The following NR3C2 variants were observed in gnomAD, a reference collection of about 807,000 sequenced individuals.
NR3C2 encodes nuclear receptor subfamily 3 group C member 2.
In NR3C2, 15 loss-of-function variants were observed where a neutral mutation model predicts 86.4. The ratio of observed to expected loss-of-function variants is 0.17; its 90% CI spans 0.12 to 0.27. NR3C2 has a LOEUF of 0.27. Among genes scored for constraint, NR3C2 ranks in the 10% least tolerant of loss-of-function variants. The pLI, the probability that NR3C2 is intolerant of heterozygous loss-of-function variation, is 1.00. For missense variants in NR3C2, 960 were observed against 1,195.6 expected, an observed-to-expected ratio of 0.80 and a Z score of 2.91; for synonymous variants, 458 against 450.5, an observed-to-expected ratio of 1.02 and a Z score of -0.21.
chr4:148,085,797 A>G (rs1730787539), intron 8 of NR3C2, among the ~76,000 whole-genome samples: 1 of 152,226 alleles, frequency 6.6e-6, no homozygotes, highest in East Asian at 1.9e-4. Flanking sequence ...GATAAAGTAG[A>G]TGTCACCACT....
At chr4:148,404,546 CATAAGT>C (rs1310931067) in intron 2 of NR3C2, among the ~76,000 whole-genome samples, 1 of 152,016 alleles carries the variant, frequency 6.6e-6, no homozygotes, top group East Asian at 1.9e-4. Flanking sequence ...TCCTCATAAG[CATAAGT>C]ATAATGCTAG....
chr4:148,134,373 A>T (rs1733177403), intron 6 of NR3C2, among the ~76,000 whole-genome samples: 1 of 152,210 alleles, frequency 6.6e-6, no homozygotes. Context: ...TGATTATTCA[A>T]TGTATAGTCT....
intron 2 of NR3C2, among the ~76,000 whole-genome samples, chr4:148,424,994 T>C (rs1031968285): frequency 5.3e-5 from 8 of 152,226 alleles, no homozygotes; most frequent in Non-Finnish European, 1.2e-4. Flanking sequence ...TACTGTATTA[T>C]ACTGAGATGA....
At chr4:148,185,905 T>A in intron 4 of NR3C2, among the ~76,000 whole-genome samples, 1 of 152,212 alleles carries the variant, frequency 6.6e-6, no homozygotes, top group East Asian at 1.9e-4. Context: ...ATTTCTGATA[T>A]TTAACAACAC....
At chr4:148,184,659 T>C (rs1735806835) in intron 4 of NR3C2, among the ~76,000 whole-genome samples, 1 of 152,180 alleles carries the variant, frequency 6.6e-6, no homozygotes, top group African/African-American at 2.4e-5. Context: ...TCCTAGCAAG[T>C]GCTTTTTTAA....
chr4:148,125,549 A>G (rs1358736176), intron 6 of NR3C2, among the ~76,000 whole-genome samples: 1 of 152,198 alleles, frequency 6.6e-6, no homozygotes, highest in African/African-American at 2.4e-5. Flanking sequence ...CACCTTTTAA[A>G]AACATTTCTT....
At chr4:148,273,015 G>A (rs1335984800) in intron 2 of NR3C2, among the ~76,000 whole-genome samples, 2 of 152,104 alleles carry the variant, frequency 1.3e-5, no homozygotes, top group African/African-American at 2.4e-5. Flanking sequence ...AAATGTCTTC[G>A]TGCCATGTAC....
Position 148,080,832 on chromosome 4 carries a change from A to C in NR3C2, c.*512T>G, listed in dbSNP as rs1730512232. The stretch of plus-strand genomic sequence containing the variant: ...GAGGCAGCTGCTGCCCCACGCCACG[A>C]GTTCTGTTATTACACAACAGGAATC... On this transcript the variant is annotated 3_prime_UTR_variant, in exon 9 of 9. Transcript: ENST00000358102. 2.4e-6 allele frequency: 1 copy of C among 423,498 alleles called. No homozygotes were observed. The highest frequency in any genetic ancestry group is 7.2e-5 in the East Asian group (1 of 13,876). 26.2% of individuals were successfully genotyped at this position (423,498 alleles called of 1,614,324 possible). A position where few individuals can be genotyped will look rare whatever the true frequency, so the allele number is the denominator to read the frequency against.
chr4:148,401,215 C>CA (rs1248184501), intron 2 of NR3C2, among the ~76,000 whole-genome samples: 1 of 152,180 alleles, frequency 6.6e-6, no homozygotes, highest in East Asian at 1.9e-4. Context: ...TCTTTCATTG[C>CA]ATCTACTATG....
intron 8 of NR3C2, among the ~76,000 whole-genome samples, chr4:148,102,221 C>G (rs1054393007): frequency 3.3e-5 from 5 of 152,110 alleles, no homozygotes; most frequent in African/African-American, 1.2e-4. Context: ...TCCTCTGGAC[C>G]CTCTTCCGTT....
chr4:148,341,031 AAATT>A lies in NR3C2; in HGVS notation c.1758-80918_1758-80915del, dbSNP rs540770923. ...ACTTGTACACTGTTGGTAGGAAGAT[AAATT>A]AATACAGTCACTATGGAAAACATAT... is the stretch of plus-strand genomic sequence containing the variant. On this transcript the variant is annotated intron_variant, in intron 2 of 8. Transcript: ENST00000358102. 6.3e-3 allele frequency among the ~76,000 whole-genome samples: 958 copies of A among 152,282 alleles called. 7 individuals carry two copies. Among genetic ancestry groups the A allele is most frequent in the African/African-American group, 0.022 (930 of 41,564 alleles).
At chr4:148,330,683 C>T (rs975982160) in intron 2 of NR3C2, among the ~76,000 whole-genome samples, 8 of 152,156 alleles carry the variant, frequency 5.3e-5, no homozygotes, top group Non-Finnish European at 8.8e-5. Context: ...GGTTTACACA[C>T]GTTGTATATG....
At chr4:148,225,213 C>T (rs1738080933) in intron 3 of NR3C2, among the ~76,000 whole-genome samples, 1 of 152,094 alleles carries the variant, frequency 6.6e-6, no homozygotes, top group Non-Finnish European at 1.5e-5. Context: ...GCTAGAGAAT[C>T]CTGTTACCAA....
chr4:148,154,494 A>G, intron 5 of NR3C2, 57 bp downstream of exon 5: 2 of 1,509,512 alleles, frequency 1.3e-6, no homozygotes, highest in Middle Eastern at 1.9e-4. Context: ...TGGCGAAGTC[A>G]GTTGCCCAGA....
intron 2 of NR3C2, among the ~76,000 whole-genome samples, chr4:148,388,504 T>C (rs764019010): frequency 6.6e-6 from 1 of 152,326 alleles, no homozygotes; most frequent in East Asian, 1.9e-4. Context: ...TCCTAAGTTA[T>C]AAATTATGAA....
At chr4:148,386,859 A>T (rs1428116078) in intron 2 of NR3C2, among the ~76,000 whole-genome samples, 1 of 152,142 alleles carries the variant, frequency 6.6e-6, no homozygotes, top group Non-Finnish European at 1.5e-5. Flanking sequence ...ATTCTCTTAT[A>T]CATGCCCTCT....
upstream of NR3C2, among the ~76,000 whole-genome samples, chr4:148,443,794 G>A (rs535531859): frequency 7.2e-4 from 109 of 152,162 alleles, no homozygotes; most frequent in African/African-American, 2.5e-3. Context: ...GCGGGGGACC[G>A]GGGGACACCC....
At chr4:148,171,592 T>G (rs1194150919) in intron 4 of NR3C2, among the ~76,000 whole-genome samples, 1 of 152,192 alleles carries the variant, frequency 6.6e-6, no homozygotes, top group African/African-American at 2.4e-5. Context: ...CACAATAGGG[T>G]TCGTGCTCCT....
At chr4:148,244,796 T>G (rs1739237888) in intron 3 of NR3C2, among the ~76,000 whole-genome samples, 1 of 152,230 alleles carries the variant, frequency 6.6e-6, no homozygotes, top group Non-Finnish European at 1.5e-5. Context: ...AAGTTAGAAT[T>G]TAAATTACTC....
Sources: allele counts gnomAD v4.1 joint callset (sites outside exome capture counted in the v4.1 genomes callset), GRCh38; gene constraint gnomAD v4.1.1; transcripts MANE v1.5; gene names NCBI Gene and HGNC (gene_info 2026-07-23, HGNC 2026-07-21).